KCNJ6: variants seen among roughly 807,000 people sequenced by gnomAD.
KCNJ6 encodes G protein-activated inward rectifier potassium channel 2.
A neutral mutation model predicts 34.2 loss-of-function variants in KCNJ6; 9 were observed. The observed-to-expected ratio is 0.26, with a 90% confidence interval of 0.16 to 0.46. KCNJ6 has a LOEUF of 0.46. KCNJ6 is among the 20% of genes least tolerant of loss of function. The pLI is 1.00. For missense variants in KCNJ6, 236 were observed against 531.3 expected (o/e 0.44, Z 5.46); for synonymous variants, 196 against 207.1 (o/e 0.95, Z 0.46).
At chr21:37,704,772 TA>T in intron 3 of KCNJ6, among the ~76,000 whole-genome samples, 1 of 152,292 alleles carries the variant, frequency 6.6e-6, no homozygotes, top group African/African-American at 2.4e-5. Flanking sequence ...TATATCTTTT[TA>T]TTATAGTGCT....
At chr21:37,872,944 C>A (rs749211264) in intron 1 of KCNJ6, among the ~76,000 whole-genome samples, 1 of 152,140 alleles carries the variant, frequency 6.6e-6, no homozygotes, top group African/African-American at 2.4e-5. Flanking sequence ...TGAAGAGGTG[C>A]CTTCCACCAT....
intron 2 of KCNJ6, among the ~76,000 whole-genome samples, chr21:37,761,854 C>T (rs999619739): frequency 6.6e-6 from 1 of 152,022 alleles, no homozygotes; most frequent in Non-Finnish European, 1.5e-5. Flanking sequence ...GTGTGCGGTG[C>T]ATGTTCATGC....
intron 2 of KCNJ6, among the ~76,000 whole-genome samples, chr21:37,758,792 G>C (rs1257255321): frequency 6.6e-6 from 1 of 152,056 alleles, no homozygotes; most frequent in Non-Finnish European, 1.5e-5. Context: ...CACCATGCCT[G>C]CCTACTTTTT....
At chr21:37,854,605 T>C (rs2055555213) in intron 1 of KCNJ6, among the ~76,000 whole-genome samples, 1 of 152,244 alleles carries the variant, frequency 6.6e-6, no homozygotes, top group Admixed American at 6.5e-5. Flanking sequence ...TTAATGATGC[T>C]GTGTTGTATA....
At chr21:37,772,008 G>A (rs1196293733) in intron 2 of KCNJ6, among the ~76,000 whole-genome samples, 2 of 152,108 alleles carry the variant, frequency 1.3e-5, no homozygotes, top group African/African-American at 4.8e-5. Flanking sequence ...CATGAAAATT[G>A]CATGAAATAC....
At chr21:37,684,723 T>C (rs1283651257) in intron 3 of KCNJ6, among the ~76,000 whole-genome samples, 4 of 152,176 alleles carry the variant, frequency 2.6e-5, no homozygotes, top group Non-Finnish European at 5.9e-5. Flanking sequence ...CGGTGAAAAG[T>C]GTTAGGACAT....
chr21:37,832,201 A>G (rs1411013818), intron 2 of KCNJ6, among the ~76,000 whole-genome samples: 1 of 148,952 alleles, frequency 6.7e-6, no homozygotes, highest in Non-Finnish European at 1.5e-5. Context: ...AGATGATGCT[A>G]TAACTACCTG....
At chr21:37,735,744 C>G in intron 2 of KCNJ6, among the ~76,000 whole-genome samples, 1 of 152,188 alleles carries the variant, frequency 6.6e-6, no homozygotes, top group East Asian at 1.9e-4. Flanking sequence ...CTGAATGAGG[C>G]CTGGAGCAGC....
chr21:37,674,727 G>A (rs78621587), intron 3 of KCNJ6, among the ~76,000 whole-genome samples: 3,800 of 151,596 alleles, frequency 0.025, 157 homozygotes, highest in African/African-American at 0.085. Context: ...CTCCAGAGCC[G>A]TGATTCCTTT....
intron 2 of KCNJ6, among the ~76,000 whole-genome samples, chr21:37,723,963 AT>A (rs2054840634): frequency 6.6e-6 from 1 of 152,160 alleles, no homozygotes; most frequent in Non-Finnish European, 1.5e-5. Context: ...CAAGAACAGC[AT>A]GTGTAAAAGT....
intron 2 of KCNJ6, among the ~76,000 whole-genome samples, chr21:37,752,653 A>C (rs1455727648): frequency 6.6e-6 from 1 of 152,158 alleles, no homozygotes; most frequent in Non-Finnish European, 1.5e-5. Context: ...TCCTGGGGAC[A>C]AATGAGGCTT....
At chr21:37,807,090 G>A (rs2123537727) in intron 2 of KCNJ6, among the ~76,000 whole-genome samples, 1 of 152,248 alleles carries the variant, frequency 6.6e-6, no homozygotes, top group African/African-American at 2.4e-5. Context: ...TCAGGAAATT[G>A]CTATGAAGAT....
intron 1 of KCNJ6, among the ~76,000 whole-genome samples, chr21:37,864,113 A>ATT (rs3988669): frequency 2.2e-3 from 321 of 147,198 alleles, no homozygotes; most frequent in Middle Eastern, 7.0e-3. Context: ...CCAATTCTCT[A>ATT]TTTTTTTTTT....
chr21:37,847,353 GGAGTA>G (rs1568870153), intron 1 of KCNJ6, among the ~76,000 whole-genome samples: 2 of 151,766 alleles, frequency 1.3e-5, no homozygotes, highest in East Asian at 3.9e-4. Context: ...CGGCTGGTGA[GGAGTA>G]GAGTTGAGCA....
chr21:37,687,032 G>A (rs924054715), intron 3 of KCNJ6, among the ~76,000 whole-genome samples: 3 of 152,120 alleles, frequency 2.0e-5, no homozygotes, highest in Non-Finnish European at 4.4e-5. Context: ...GGCCCAGAGT[G>A]GTTAAGTGAT....
At chr21:37,830,520 G>A (rs901178353) in intron 2 of KCNJ6, among the ~76,000 whole-genome samples, 1 of 152,086 alleles carries the variant, frequency 6.6e-6, no homozygotes, top group African/African-American at 2.4e-5. Context: ...CTTCCGGTGG[G>A]TTGAGGTCAA....
At chr21:37,635,887 C>G (rs1312660310) in intron 3 of KCNJ6, among the ~76,000 whole-genome samples, 1 of 152,184 alleles carries the variant, frequency 6.6e-6, no homozygotes, top group Non-Finnish European at 1.5e-5. Flanking sequence ...TTATCAAGTA[C>G]TATATTAAAA....
intron 2 of KCNJ6, among the ~76,000 whole-genome samples, chr21:37,769,956 C>T (rs2055109896): frequency 6.6e-6 from 1 of 152,190 alleles, no homozygotes; most frequent in African/African-American, 2.4e-5. Context: ...ATTGAACCTA[C>T]TGGTGCCTTG....
intron 1 of KCNJ6, among the ~76,000 whole-genome samples, chr21:37,878,819 G>A (rs1025326395): frequency 1.3e-5 from 2 of 152,192 alleles, no homozygotes; most frequent in African/African-American, 4.8e-5. Flanking sequence ...GTGACGACCA[G>A]CACTCACCCC....
Sources: gnomAD v4.1 joint callset for allele counts (sites outside exome capture counted in the v4.1 genomes callset) on GRCh38, gnomAD v4.1.1 for gene constraint, MANE v1.5 for transcripts, NCBI Gene and HGNC (gene_info 2026-07-23, HGNC 2026-07-21) for gene names.